Variants in CDK14 observed in about 807,000 individuals in gnomAD.
The protein encoded by CDK14 is cyclin dependent kinase 14.
Under a neutral mutation model 60.7 loss-of-function variants are expected in CDK14, and 34 were observed. The observed-to-expected ratio is 0.56, with a 90% CI of 0.43 to 0.75. The LOEUF (loss-of-function observed/expected upper bound fraction) is 0.75, where lower values mean the gene tolerates loss of function less well. Among genes scored for constraint, CDK14 ranks in the 30% least tolerant of loss-of-function variants. The probability of loss-of-function intolerance (pLI) is 0.00; values close to 1 mark genes in which losing one functional copy is unlikely to be tolerated. For missense variants in CDK14, 482 were observed against 564.1 expected (o/e 0.85, Z 1.47); for synonymous variants, 197 against 203.7 (o/e 0.97, Z 0.28).
chr7:90,726,196 T>G, intron 2 of CDK14: 2 of 390,684 alleles, frequency 5.1e-6, no homozygotes, highest in Non-Finnish European at 7.0e-6. Context: ...TGCCTATTTT[T>G]TGTTTTTTAA....
chr7:90,668,699 C>CTTTTTTTTTTTTTTT lies in CDK14; in HGVS notation c.124-57855_124-57841dup, dbSNP rs59773768. 1.7e-4 allele frequency among the ~76,000 whole-genome samples: 15 copies of CTTTTTTTTTTTTTTT among 87,532 alleles called. 3 individuals are homozygous for CTTTTTTTTTTTTTTT. Among genetic ancestry groups the CTTTTTTTTTTTTTTT allele is most frequent in the African/African-American group, 3.9e-4 (9 of 23,124 alleles). 57.4% of individuals were successfully genotyped at this position (87,532 alleles called of 152,430 possible). A position where few individuals can be genotyped will look rare whatever the true frequency, so the allele number is the denominator to read the frequency against. ...TATGGTGTAAGGAAGGACTCGCATT[C>CTTTTTTTTTTTTTTT]TTTTTTTTTTTTTTTTTTTTTTTTT... is the stretch of plus-strand genomic sequence containing the variant. On this transcript the variant is annotated intron_variant, in intron 2 of 14. Coordinates refer to ENST00000380050, the MANE Select transcript of CDK14 (RefSeq NM_001287135.2).
chr7:90,716,970 G>T (rs1802270560), intron 2 of CDK14, among the ~76,000 whole-genome samples: 2 of 152,042 alleles, frequency 1.3e-5, no homozygotes, highest in Non-Finnish European at 2.9e-5. Flanking sequence ...AGATCCCAGT[G>T]ATTCCCGTGC....
intron 5 of CDK14, among the ~76,000 whole-genome samples, chr7:90,840,649 G>A (rs773009175): frequency 3.0e-4 from 45 of 152,170 alleles, no homozygotes; most frequent in Non-Finnish European, 5.4e-4. Context: ...GGACAATATG[G>A]TAGTTCTGGA....
chr7:90,783,688 A>G (rs1249502885), intron 4 of CDK14, among the ~76,000 whole-genome samples: 1 of 152,204 alleles, frequency 6.6e-6, no homozygotes, highest in Non-Finnish European at 1.5e-5. Flanking sequence ...GCTCAACATC[A>G]TTAAAAATCT....
At chr7:90,941,492 C>T (rs900933428) in intron 8 of CDK14, among the ~76,000 whole-genome samples, 1 of 152,076 alleles carries the variant, frequency 6.6e-6, no homozygotes, top group Non-Finnish European at 1.5e-5. Flanking sequence ...TGCAGGAGAG[C>T]AAGACAGGGT....
chr7:90,896,284 A>G (rs1011934208), intron 6 of CDK14, among the ~76,000 whole-genome samples: 1 of 151,982 alleles, frequency 6.6e-6, no homozygotes, highest in African/African-American at 2.4e-5. Context: ...CTTTTTGTAC[A>G]TTTTTAGGAA....
chr7:91,163,630 C>G (rs1007802013), intron 14 of CDK14, among the ~76,000 whole-genome samples: 27 of 152,136 alleles, frequency 1.8e-4, no homozygotes, highest in Non-Finnish European at 4.4e-5. Flanking sequence ...TTGAAATTTA[C>G]TCTTACTTTG....
chr7:91,187,111 A>G (rs564220932), intron 14 of CDK14, among the ~76,000 whole-genome samples: 1 of 152,274 alleles, frequency 6.6e-6, no homozygotes, highest in Non-Finnish European at 1.5e-5. Flanking sequence ...TCATTTAAAC[A>G]TGATAATTAC....
chr7:90,886,230 G>A (rs550250172), intron 6 of CDK14, among the ~76,000 whole-genome samples: 1 of 152,176 alleles, frequency 6.6e-6, no homozygotes, highest in Admixed American at 6.5e-5. Flanking sequence ...TTGAGCACAA[G>A]TATGTTTTCT....
chr7:90,895,554 T>TCCTCC (rs1302263645), intron 6 of CDK14, among the ~76,000 whole-genome samples: 6 of 37,016 alleles, frequency 1.6e-4, no homozygotes, highest in Non-Finnish European at 3.3e-4. Context: ...CCCTCCCCTC[T>TCCTCC]CCTCCCCTCC....
intron 3 of CDK14, among the ~76,000 whole-genome samples, chr7:90,732,589 A>G (rs1426692020): frequency 5.9e-5 from 9 of 152,154 alleles, no homozygotes; most frequent in Non-Finnish European, 1.3e-4. Flanking sequence ...GTGTCCAGGA[A>G]TTTATCCATT....
At chr7:91,024,776 C>G (rs930866075) in intron 10 of CDK14, among the ~76,000 whole-genome samples, 5 of 152,196 alleles carry the variant, frequency 3.3e-5, no homozygotes, top group Admixed American at 6.5e-5. Context: ...TGGACCCAAA[C>G]CTAGGTCTGG....
At chr7:91,019,606 AT>A (rs778891894) in intron 10 of CDK14, among the ~76,000 whole-genome samples, 2 of 151,982 alleles carry the variant, frequency 1.3e-5, no homozygotes, top group African/African-American at 2.4e-5. Context: ...TGTATAATAT[AT>A]TTTTTTGTAA....
intron 8 of CDK14, among the ~76,000 whole-genome samples, chr7:90,950,320 C>T (rs977628473): frequency 2.0e-5 from 3 of 152,118 alleles, no homozygotes; most frequent in African/African-American, 7.2e-5. Context: ...GACCCACCTG[C>T]CTTGGCTTCC....
At chr7:90,863,670 A>ATGTGTGTGTG (rs111580477) in intron 6 of CDK14, among the ~76,000 whole-genome samples, 5,617 of 145,906 alleles carry the variant, frequency 0.038, 109 homozygotes, top group Non-Finnish European at 0.054. Flanking sequence ...TTATTAAGAT[A>ATGTGTGTGTG]TGTGTGTGTG....
chr7:90,876,288 G>T (rs1289418358), intron 6 of CDK14, among the ~76,000 whole-genome samples: 1 of 152,152 alleles, frequency 6.6e-6, no homozygotes, highest in East Asian at 1.9e-4. Flanking sequence ...ACTGAGTGGG[G>T]ATCAGACCCC....
intron 2 of CDK14, among the ~76,000 whole-genome samples, chr7:90,681,128 T>C (rs1293619560): frequency 1.3e-5 from 2 of 152,250 alleles, no homozygotes; most frequent in East Asian, 3.8e-4. Context: ...TGCATATTTC[T>C]GTTTTTTATG....
At chr7:91,079,864 T>G (rs945696340) in intron 12 of CDK14, among the ~76,000 whole-genome samples, 3 of 152,250 alleles carry the variant, frequency 2.0e-5, no homozygotes, top group African/African-American at 7.2e-5. Context: ...AGTTGATCTT[T>G]CAGATTTTTT....
At chr7:91,010,744 C>T (rs1164724431) in intron 10 of CDK14, among the ~76,000 whole-genome samples, 1 of 149,356 alleles carries the variant, frequency 6.7e-6, no homozygotes, top group African/African-American at 2.5e-5. Flanking sequence ...TTCCTTCCTT[C>T]TTTCCTTCCT....
Sources: allele counts gnomAD v4.1 joint callset (sites outside exome capture counted in the v4.1 genomes callset), GRCh38; gene constraint gnomAD v4.1.1; transcripts MANE v1.5; gene names NCBI Gene and HGNC (gene_info 2026-07-23, HGNC 2026-07-21).